Variants in KANK1 observed in about 807,000 individuals in gnomAD.
KANK1 encodes the protein KN motif and ankyrin repeat domain-containing protein 1.
A neutral mutation model predicts 106.2 loss-of-function variants in KANK1; 109 were observed. The observed-to-expected ratio is 1.03, with a 90% CI of 0.88 to 1.20. KANK1 has a LOEUF of 1.20. Ranked by LOEUF, KANK1 falls within the 50% of genes most tolerant of loss-of-function variation. The probability of loss-of-function intolerance (pLI) is 0.00; values close to 1 mark genes in which losing one functional copy is unlikely to be tolerated. For missense variants in KANK1, 2,399 were observed against 1,710.7 expected (o/e 1.40, Z -7.10); for synonymous variants, 873 against 652.2 (o/e 1.34, Z -5.16).
chr9:520,258 A>C (rs768710027), intron 1 of KANK1, among the ~76,000 whole-genome samples: 8 of 151,816 alleles, frequency 5.3e-5, no homozygotes, highest in African/African-American at 1.9e-4. Flanking sequence ...GGATCACCTC[A>C]GCCTGGGGAG....
chr9:647,799 A>G (rs1840015241), intron 1 of KANK1, among the ~76,000 whole-genome samples: 1 of 150,582 alleles, frequency 6.6e-6, no homozygotes, highest in South Asian at 2.1e-4. Flanking sequence ...TATAGCAGAG[A>G]TACGAAATAG....
intron 2 of KANK1, among the ~76,000 whole-genome samples, chr9:708,631 G>C (rs1824999981): frequency 6.6e-6 from 1 of 152,164 alleles, no homozygotes; most frequent in Non-Finnish European, 1.5e-5. Context: ...GATGGAAGCA[G>C]AAGTGTTCTT....
chr9:492,547 GAGAC>G (rs1158147146), intron 3 of KANK1, among the ~76,000 whole-genome samples: 1 of 152,118 alleles, frequency 6.6e-6, no homozygotes, highest in Non-Finnish European at 1.5e-5. Flanking sequence ...CTGTCTGTGA[GAGAC>G]AGTCTCACAT....
intron 1 of KANK1, among the ~76,000 whole-genome samples, chr9:646,235 G>A (rs1216386610): frequency 6.6e-6 from 1 of 150,902 alleles, no homozygotes. Flanking sequence ...GCCCATGCCT[G>A]TAATCTCAGC....
chr9:552,277 A>G (rs1335967795), intron 1 of KANK1, among the ~76,000 whole-genome samples: 1 of 152,172 alleles, frequency 6.6e-6, no homozygotes, highest in Non-Finnish European at 1.5e-5. Flanking sequence ...GAGAATGAAC[A>G]GGAAGAAGAC....
chr9:714,171 C>G (rs1327577944), intron 3 of KANK1, among the ~76,000 whole-genome samples: 1 of 152,108 alleles, frequency 6.6e-6, no homozygotes, highest in Non-Finnish European at 1.5e-5. Flanking sequence ...AACAGAGCCC[C>G]TGTCCCTGCG....
At chr9:552,893 C>T (rs2061365936) in intron 1 of KANK1, among the ~76,000 whole-genome samples, 1 of 152,156 alleles carries the variant, frequency 6.6e-6, no homozygotes, top group African/African-American at 2.4e-5. Context: ...GCCTGTAATC[C>T]TAGGACTTTG....
rs146416309 is a variant in KANK1 at position 712,390 on chromosome 9, G to A, written c.1624G>A (p.Val542Met). 5.1e-5 allele frequency: 83 copies of A among 1,614,070 alleles called. 1 individual carries two copies. Among genetic ancestry groups the A allele is most frequent in the Admixed American group, 3.8e-4 (23 of 60,008 alleles). ...DLVDTCVGTS[V>M]ETNSVGISCQ... ...GGTGGACACGTGTGTTGGGACCTCC[G>A]TGGAAACAAACAGTGTAGGCATCTC... Residue 542 changes from valine (V) to methionine (M), a missense_variant, in exon 3 of 12, where the codon GTG (valine) becomes ATG (methionine). Coordinates refer to ENST00000382297, the MANE Select transcript of KANK1 (RefSeq NM_015158.5).
In KANK1 at chr9:745,230, G is replaced by A. The variant is rs759964647; in HGVS notation, c.4054G>A (p.Asp1352Asn). Residue 1352 changes from aspartate to asparagine, a missense_variant, in exon 12 of 12, where the codon GAT becomes AAT. By Grantham distance (23) the Asp-to-Asn change is conservative. Coordinates refer to ENST00000382297, the MANE Select transcript of KANK1 (RefSeq NM_015158.5). ...TGGCCCCACCCACCGAGGTTCATTTGATTGATTGTATGCAAATAGCCCTTT... is the reference window on the plus strand; with the variant it reads ...TGGCCCCACCCACCGAGGTTCATTTAATTGATTGTATGCAAATAGCCCTTT... ...SPGPTHRGSF[D>N] is the part of the protein sequence containing the mutation. 3 of 1,613,982 alleles carry A rather than the reference G, an allele frequency of 1.9e-6. No individual in the cohort carries two copies. Among genetic ancestry groups the A allele is most frequent in the Non-Finnish European group, 2.5e-6 (3 of 1,179,988 alleles).
chr9:562,548 G>T (rs542259615), intron 1 of KANK1, among the ~76,000 whole-genome samples: 3 of 152,280 alleles, frequency 2.0e-5, no homozygotes, highest in South Asian at 2.1e-4. Flanking sequence ...CAGCAAAGGG[G>T]ATTCCAGCTT....
chr9:680,049 G>A (rs1817224237), intron 2 of KANK1, among the ~76,000 whole-genome samples: 1 of 152,136 alleles, frequency 6.6e-6, no homozygotes, highest in African/African-American at 2.4e-5. Flanking sequence ...CCAATTACTG[G>A]TCTCCTATGA....
intron 2 of KANK1, among the ~76,000 whole-genome samples, chr9:682,317 A>G (rs1817718692): frequency 6.6e-6 from 1 of 152,096 alleles, no homozygotes. Context: ...ATTAATGATA[A>G]CATAAAATTT....
chr9:647,476 G>T (rs957308731), intron 1 of KANK1, among the ~76,000 whole-genome samples: 13 of 150,762 alleles, frequency 8.6e-5, no homozygotes, highest in Non-Finnish European at 1.6e-4. Flanking sequence ...CATTGGTCAG[G>T]TTCCAAACTA....
At chr9:734,724 G>A (rs536808221) in intron 6 of KANK1, 24 bp from the exon 7 acceptor site, 24 of 1,513,968 alleles carry the variant, frequency 1.6e-5, no homozygotes, top group South Asian at 1.1e-4. Context: ...GTGACCAATC[G>A]TAACTTGTTT....
At chr9:485,643 C>T (rs1036830988) in intron 3 of KANK1, among the ~76,000 whole-genome samples, 15 of 152,044 alleles carry the variant, frequency 9.9e-5, no homozygotes, top group African/African-American at 2.2e-4. Context: ...GAGGCCGAGG[C>T]GGGCAGATCA....
intron 3 of KANK1, among the ~76,000 whole-genome samples, chr9:495,902 C>G (rs1021314778): frequency 2.0e-5 from 3 of 152,052 alleles, no homozygotes; most frequent in African/African-American, 4.8e-5. Flanking sequence ...TCAGGGTTTC[C>G]TTGCTGAGGA....
chr9:605,300 CAAAA>C (rs34315668), intron 1 of KANK1, among the ~76,000 whole-genome samples: 47 of 106,808 alleles, frequency 4.4e-4, no homozygotes, highest in Non-Finnish European at 6.4e-4. Context: ...GACTCCGTCT[CAAAA>C]AAAAAAAAAA....
intron 1 of KANK1, among the ~76,000 whole-genome samples, chr9:513,767 A>G (rs961051899): frequency 3.3e-5 from 5 of 152,146 alleles, no homozygotes; most frequent in Admixed American, 2.6e-4. Context: ...ACAAAAGTAG[A>G]TACTTTGGGA....
At chr9:556,501 A>G (rs923096269) in intron 1 of KANK1, among the ~76,000 whole-genome samples, 2 of 152,220 alleles carry the variant, frequency 1.3e-5, no homozygotes, top group African/African-American at 2.4e-5. Flanking sequence ...GCTATGATGT[A>G]CAAAGGTGCT....
Sources: gnomAD v4.1 joint callset for allele counts (sites outside exome capture counted in the v4.1 genomes callset) on GRCh38, gnomAD v4.1.1 for gene constraint, MANE v1.5 for transcripts, NCBI Gene and HGNC (gene_info 2026-07-23, HGNC 2026-07-21) for gene names.